MINDY4: variants seen among roughly 807,000 people sequenced by gnomAD.
The protein encoded by MINDY4 is probable ubiquitin carboxyl-terminal hydrolase MINDY-4.
In MINDY4, 68 loss-of-function variants were observed where a neutral mutation model predicts 87.0. The ratio of observed to expected loss-of-function variants is 0.78; its 90% CI spans 0.64 to 0.96. MINDY4 has a LOEUF of 0.96. Ranked by LOEUF, MINDY4 falls within the 40% of genes least tolerant of loss-of-function variation. The pLI is 0.00. For synonymous variants in MINDY4, 379 were observed against 363.2 expected, an observed-to-expected ratio of 1.04 and a Z score of -0.50; for missense variants, 919 against 928.2, an observed-to-expected ratio of 0.99 and a Z score of 0.13.
chr7:30,788,905 A>G (rs1223303047), intron 4 of MINDY4, among the ~76,000 whole-genome samples: 1 of 152,180 alleles, frequency 6.6e-6, no homozygotes, highest in East Asian at 1.9e-4. Context: ...CAGCATGGAC[A>G]TTCCTCGGTG....
At chr7:30,841,000 G>GCC in intron 9 of MINDY4, 152 bp downstream of exon 9, 1 of 688,378 alleles carries the variant, frequency 1.5e-6, no homozygotes, top group Non-Finnish European at 2.5e-6. Flanking sequence ...AGCTGACAAG[G>GCC]CCTGCGCAGA....
intron 5 of MINDY4, among the ~76,000 whole-genome samples, chr7:30,812,832 T>A (rs745944756): frequency 3.9e-5 from 6 of 152,224 alleles, no homozygotes; most frequent in Non-Finnish European, 7.3e-5. Context: ...TTGTCAAAAC[T>A]TCTGGACCTT....
In MINDY4 at chr7:30,892,009, T is replaced by C. The variant is rs368625851; in HGVS notation, c.*4T>C. 4.6e-5 allele frequency: 74 copies of C among 1,613,958 alleles called. No individual in the cohort carries two copies. The African/African-American group carries it at 9.3e-4, about 20-fold the overall frequency. On this transcript the variant is annotated 3_prime_UTR_variant, in exon 18 of 18. Transcript: ENST00000265299. ...CGGCTCAGACCCCATCCTGTGACCG[T>C]TGGATGTGGGTAAACCCTGTGGTCC...
Position 30,839,218 on chromosome 7 carries a change from T to G in MINDY4, c.1258T>G (p.Phe420Val). The G allele has an allele frequency of 6.2e-7, 1 of 1,607,370 alleles. No individual in the cohort carries two copies. Among genetic ancestry groups the G allele is most frequent in the Non-Finnish European group, 8.5e-7 (1 of 1,177,988 alleles). The change falls in exon 8 of 18, where the codon TTT becomes GTT. Residue 420 changes from phenylalanine to valine, a missense_variant. Physicochemically the swap from Phe to Val is conservative, Grantham distance 50. Coordinates refer to ENST00000265299, the MANE Select transcript of MINDY4 (RefSeq NM_032222.3). ...SVAKEIKTLL[F>V]GSSFCCFNEE... The stretch of plus-strand genomic sequence containing the variant: ...TTTATAGGAAATAAAGACCCTTCTG[T>G]TTGGTTCCAGCTTTTGCTGTTTCAA...
At chr7:30,882,762 C>T (rs544509402) in intron 16 of MINDY4, among the ~76,000 whole-genome samples, 159 bp from the exon 17 acceptor site, 6 of 151,942 alleles carry the variant, frequency 3.9e-5, no homozygotes, top group Non-Finnish European at 7.4e-5. Context: ...GTGAGTTGTG[C>T]AGGTGAGAAT....
intron 7 of MINDY4, among the ~76,000 whole-genome samples, chr7:30,837,868 C>G (rs538092928): frequency 1.3e-5 from 2 of 152,236 alleles, no homozygotes; most frequent in Non-Finnish European, 2.9e-5. Flanking sequence ...TGAGCCCTGA[C>G]AGATGAATCC....
chr7:30,800,800 G>A (rs749676726), intron 5 of MINDY4, among the ~76,000 whole-genome samples: 1 of 152,174 alleles, frequency 6.6e-6, no homozygotes, highest in Non-Finnish European at 1.5e-5. Flanking sequence ...AGGGCCCAAA[G>A]CCTCAGTGTT....
chr7:30,798,664 T>A (rs1377215598), intron 5 of MINDY4, among the ~76,000 whole-genome samples: 1 of 151,924 alleles, frequency 6.6e-6, no homozygotes, highest in African/African-American at 2.4e-5. Flanking sequence ...GCCTGGCTAA[T>A]TTTTTTTGCA....
chr7:30,789,833 AC>A (rs1787267521), intron 4 of MINDY4, among the ~76,000 whole-genome samples: 1 of 152,234 alleles, frequency 6.6e-6, no homozygotes, highest in South Asian at 2.1e-4. Context: ...ATTAATAACA[AC>A]ATGAGTTCCC....
At position 30,786,187 on chromosome 7, in the gene MINDY4, T is replaced by G. The variant is rs900989577; in HGVS notation, c.663+195T>G. Reference sequence around the variant, plus strand: ...TGACACGTGGGGCCTTGAGCAGGCCTCCTTTCCTGCCCTTAGCTTACCCAT... The same window carrying G: ...TGACACGTGGGGCCTTGAGCAGGCCGCCTTTCCTGCCCTTAGCTTACCCAT... On this transcript the variant is annotated intron_variant, in intron 4 of 17. Coordinates refer to ENST00000265299, the MANE Select transcript of MINDY4 (RefSeq NM_032222.3). 4.4e-6 allele frequency: 3 copies of G among 674,360 alleles called. No homozygotes were observed. In the East Asian group the frequency reaches 8.3e-5, roughly 19 times the overall value. The allele number at this position is 674,360 out of a possible 1,614,324, so 41.8% of individuals were successfully genotyped here. A position where few individuals can be genotyped will look rare whatever the true frequency, so the allele number is the denominator to read the frequency against.
chr7:30,886,345 C>A (rs1790631405), intron 17 of MINDY4, among the ~76,000 whole-genome samples: 1 of 152,174 alleles, frequency 6.6e-6, no homozygotes, highest in Non-Finnish European at 1.5e-5. Flanking sequence ...AGCCAAAAGT[C>A]AAGTTTGGAA....
intron 5 of MINDY4, among the ~76,000 whole-genome samples, chr7:30,827,852 C>T (rs1210881782): frequency 6.6e-6 from 1 of 152,130 alleles, no homozygotes; most frequent in Non-Finnish European, 1.5e-5. Flanking sequence ...CATATCTTAC[C>T]CTGCAAGGAT....
At chr7:30,772,921 C>T (rs1263407525) in intron 1 of MINDY4, among the ~76,000 whole-genome samples, 1 of 152,130 alleles carries the variant, frequency 6.6e-6, no homozygotes, top group East Asian at 1.9e-4. Flanking sequence ...TCCAAGCCTG[C>T]CCTGTAGCTT....
Position 30,882,226 on chromosome 7 carries a change from TG to T in MINDY4, c.2018del (p.Cys673SerfsTer43). 6.2e-7 allele frequency: 1 copy of T among 1,613,752 alleles called. No individual in the cohort carries two copies. Among genetic ancestry groups the T allele is most frequent in the East Asian group, 2.2e-5 (1 of 44,866 alleles). The part of the protein sequence containing the change: ...KTPRFPIWVV[C>X]SESHFSILFS... The stretch of plus-strand genomic sequence containing the variant: ...CCCGAGGTTCCCCATCTGGGTGGTT[TG>T]CAGTGAGAGCCACTTCAGCATCCTC... On this transcript the variant is annotated frameshift_variant, in exon 16 of 18. Transcript: ENST00000265299. LOFTEE classifies it high-confidence loss of function.
chr7:30,828,543 C>G (rs954992838), intron 5 of MINDY4, 136 bp from the exon 6 acceptor site: 2 of 826,372 alleles, frequency 2.4e-6, no homozygotes, highest in Admixed American at 1.9e-5. Flanking sequence ...GGGGAGTATT[C>G]AAGGCACACA....
intron 17 of MINDY4, among the ~76,000 whole-genome samples, chr7:30,889,427 G>A (rs1790729709): frequency 6.6e-6 from 1 of 152,106 alleles, no homozygotes; most frequent in African/African-American, 2.4e-5. Context: ...TTTTCCTGCT[G>A]GTTGGACCTA....
intron 5 of MINDY4, among the ~76,000 whole-genome samples, chr7:30,813,645 CAG>C (rs1305353729): frequency 6.6e-6 from 1 of 152,208 alleles, no homozygotes; most frequent in Admixed American, 6.5e-5. Context: ...AGGAGAGGCA[CAG>C]GGGGCTGGCA....
At chr7:30,776,773 A>G (rs1786830659) in intron 1 of MINDY4, among the ~76,000 whole-genome samples, 1 of 152,126 alleles carries the variant, frequency 6.6e-6, no homozygotes, top group Non-Finnish European at 1.5e-5. Context: ...CAGCTGCCAC[A>G]CTATACATTT....
At chr7:30,829,936 T>C (rs1258455841) in intron 6 of MINDY4, among the ~76,000 whole-genome samples, 2 of 152,174 alleles carry the variant, frequency 1.3e-5, no homozygotes, top group Admixed American at 6.5e-5. Flanking sequence ...GCATGTTTTC[T>C]GGAGGGAGGC....
Sources: allele counts gnomAD v4.1 joint callset (sites outside exome capture counted in the v4.1 genomes callset), GRCh38; gene constraint gnomAD v4.1.1; transcripts MANE v1.5; gene names NCBI Gene and HGNC (gene_info 2026-07-23, HGNC 2026-07-21).